Variants in WDR5 observed in about 807,000 individuals in gnomAD.
The protein encoded by WDR5 is WD repeat-containing protein 5.
For missense variants in WDR5, 187 were observed against 416.9 expected, an observed-to-expected ratio of 0.45 and a Z score of 4.80; for synonymous variants, 144 against 161.6, an observed-to-expected ratio of 0.89 and a Z score of 0.83.
chr9:134,145,551 A>G (rs1160316056), intron 7 of WDR5, among the ~76,000 whole-genome samples: 5 of 152,224 alleles, frequency 3.3e-5, no homozygotes, highest in Non-Finnish European at 1.5e-5. Context: ...TCCTGTTTGC[A>G]TCTGTGGCCG....
chr9:134,142,967 G>A (rs1270184206), intron 7 of WDR5, among the ~76,000 whole-genome samples: 1 of 152,182 alleles, frequency 6.6e-6, no homozygotes, highest in Non-Finnish European at 1.5e-5. Flanking sequence ...GAGCACCAAG[G>A]GGCCGTTTGT....
At chr9:134,155,205 G>A (rs1318166997) in intron 10 of WDR5, 135 bp from the exon 11 acceptor site, 13 of 1,067,136 alleles carry the variant, frequency 1.2e-5, no homozygotes, top group Non-Finnish European at 1.7e-5. Context: ...TACCCTGATG[G>A]GGAAGGGGGT....
chr9:134,144,758 G>C (rs1319985971), intron 7 of WDR5, among the ~76,000 whole-genome samples: 1 of 152,026 alleles, frequency 6.6e-6, no homozygotes, highest in East Asian at 1.9e-4. Context: ...GATTGCTTGG[G>C]CCCAGGAGTT....
intron 9 of WDR5, 142 bp from the exon 10 acceptor site, chr9:134,154,324 C>T (rs930467255): frequency 1.5e-5 from 13 of 839,344 alleles, no homozygotes; most frequent in South Asian, 7.5e-5. Flanking sequence ...TTCGGGGCGG[C>T]GAGGGGTGGT....
intron 8 of WDR5, among the ~76,000 whole-genome samples, 173 bp downstream of exon 8, chr9:134,148,516 G>A (rs1045224651): frequency 2.6e-5 from 4 of 152,206 alleles, no homozygotes; most frequent in South Asian, 4.1e-4. Context: ...GTGCAGTTTC[G>A]GGGTTGGCAG....
intron 7 of WDR5, among the ~76,000 whole-genome samples, chr9:134,147,701 C>G (rs986563149): frequency 5.7e-4 from 87 of 152,266 alleles, no homozygotes; most frequent in Non-Finnish European, 1.2e-4. Flanking sequence ...AAGATAGTTT[C>G]CAAAGGTGCT....
chr9:134,146,802 G>T (rs1047652883), intron 7 of WDR5, among the ~76,000 whole-genome samples: 2 of 152,232 alleles, frequency 1.3e-5, no homozygotes, highest in Non-Finnish European at 2.9e-5. Flanking sequence ...ACATTTAAAG[G>T]TAGGGATGAA....
At chr9:134,155,865 C>G (rs1832721009) in intron 12 of WDR5, 98 bp downstream of exon 12, 1 of 1,094,810 alleles carries the variant, frequency 9.1e-7, no homozygotes, top group Admixed American at 2.0e-5. Flanking sequence ...AGACACTTTT[C>G]TGTGCCCACA....
At chr9:134,156,016 C>T (rs528542826) in intron 12 of WDR5, among the ~76,000 whole-genome samples, 25 of 152,346 alleles carry the variant, frequency 1.6e-4, no homozygotes, top group African/African-American at 4.8e-4. Context: ...TGACACCTTC[C>T]GAGGGCGCTG....
rs1564198959 is a variant in WDR5, at chr9:134,157,863, C to T, written c.905-30C>T. On this transcript the variant is annotated intron_variant, in intron 13 of 13. Coordinates refer to ENST00000358625, the MANE Select transcript of WDR5 (RefSeq NM_017588.3). This position sits in a 1 kb window ranked among gnomAD's most constrained non-coding sequence, Gnocchi z 5.0. The stretch of plus-strand genomic sequence containing the variant: ...GTCCCCGACCCAGGCGCAGGGATGG[C>T]TCTGGTTCTGACTGTGTCTTTGTTT... 6.2e-7 allele frequency: 1 copy of T among 1,609,138 alleles called. No individual in the cohort carries two copies. Among genetic ancestry groups the T allele is most frequent in the Non-Finnish European group, 8.5e-7 (1 of 1,175,572 alleles).
At chr9:134,151,939 C>T (rs2132570554) in intron 8 of WDR5, 44 bp from the exon 9 acceptor site, 1 of 1,603,590 alleles carries the variant, frequency 6.2e-7, no homozygotes, top group Non-Finnish European at 8.5e-7. Context: ...CGCGTGAGAT[C>T]ATAACTTGTC....
chr9:134,144,714 C>T (rs917522527), intron 7 of WDR5, among the ~76,000 whole-genome samples: 2 of 152,020 alleles, frequency 1.3e-5, no homozygotes, highest in Non-Finnish European at 2.9e-5. Flanking sequence ...GTGATGCGCA[C>T]GTGTGGTCCC....
At chr9:134,145,300 T>C (rs1329299869) in intron 7 of WDR5, among the ~76,000 whole-genome samples, 1 of 152,064 alleles carries the variant, frequency 6.6e-6, no homozygotes, top group Non-Finnish European at 1.5e-5. Flanking sequence ...GGTTTCACCA[T>C]GTTGGCCAGG....
chr9:134,142,589 G>A (rs117739003), intron 6 of WDR5, 47 bp from the exon 7 acceptor site: 19,171 of 1,605,872 alleles, frequency 0.012, 135 homozygotes, highest in Non-Finnish European at 0.014. Context: ...GGGGAGGTTT[G>A]TCCCCTCTCC....
At chr9:134,150,827 C>T (rs888906254) in intron 8 of WDR5, among the ~76,000 whole-genome samples, 5 of 151,668 alleles carry the variant, frequency 3.3e-5, no homozygotes, top group South Asian at 2.1e-4. Context: ...GGTGTGATCT[C>T]GCGTTTAGTG....
Position 134,142,015 on chromosome 9 carries a change from T to A in WDR5, c.331T>A (p.Leu111Met). The change falls in exon 5 of 14, where the codon TTG becomes ATG. Residue 111 changes from leucine to methionine, a missense_variant. Physicochemically the swap from Leu to Met is conservative, Grantham distance 15 (BLOSUM62 2). Transcript: ENST00000358625. ...TGTTTCTGCCTCAGATGACAAAACC[T>A]TGAAGATATGGGACGTGAGCTCGGT... is the stretch of plus-strand genomic sequence containing the variant. ...LLVSASDDKT[L>M]KIWDVSSGKC... is the part of the protein sequence containing the mutation. The A allele has an allele frequency of 6.2e-7, 1 of 1,614,168 alleles. No homozygotes were observed. Among genetic ancestry groups the A allele is most frequent in the Non-Finnish European group, 8.5e-7 (1 of 1,180,038 alleles).
intron 1 of WDR5, among the ~76,000 whole-genome samples, chr9:134,138,714 C>G (rs551066396): frequency 1.3e-5 from 2 of 152,176 alleles, no homozygotes; most frequent in African/African-American, 4.8e-5. Context: ...CTCTGCCTTC[C>G]TCTTGGATGA....
intron 8 of WDR5, among the ~76,000 whole-genome samples, chr9:134,150,522 C>CT (rs908882813): frequency 2.0e-5 from 3 of 146,902 alleles, no homozygotes; most frequent in African/African-American, 8.2e-5. Flanking sequence ...GTGCTTGGTT[C>CT]CCATGTTACT....
chr9:134,137,294 G>C (rs537574045), intron 1 of WDR5, among the ~76,000 whole-genome samples: 2 of 152,234 alleles, frequency 1.3e-5, no homozygotes, highest in East Asian at 1.9e-4. Context: ...CACCGTTCCC[G>C]TAACCTTGGC....
Sources: allele counts gnomAD v4.1 joint callset (sites outside exome capture counted in the v4.1 genomes callset), GRCh38; gene constraint gnomAD v4.1.1; non-coding constraint Gnocchi (gnomAD v3.1); transcripts MANE v1.5; gene names NCBI Gene and HGNC (gene_info 2026-07-23, HGNC 2026-07-21).